GPM6A: variants seen among roughly 807,000 people sequenced by gnomAD.
GPM6A encodes glycoprotein M6A.
A neutral mutation model predicts 32.1 loss-of-function variants in GPM6A; 7 were observed. The ratio of observed to expected loss-of-function variants is 0.22; its 90% CI spans 0.12 to 0.41. The LOEUF (loss-of-function observed/expected upper bound fraction) is 0.41. GPM6A is among the 10% of genes least tolerant of loss of function. The pLI, the probability that GPM6A is intolerant of heterozygous loss-of-function variation, is 1.00. For synonymous variants in GPM6A, 130 were observed against 123.4 expected (o/e 1.05, Z -0.35); for missense variants, 235 against 347.2 (o/e 0.68, Z 2.57).
Position 175,898,584 on chromosome 4 carries a change from T to C in GPM6A, c.-22-86335A>G, listed in dbSNP as rs566321122. Among the ~76,000 whole-genome samples the C allele has an allele frequency of 2.0e-5, 3 of 152,282 alleles. No individual in the cohort carries two copies. The East Asian group carries it at 5.8e-4, about 29-fold the overall frequency. Reference sequence around the variant, plus strand: ...CCATTGTAATGCTTGCACTGTGATGTGACTGTCTGTTTCCATTTCTACCTC... The same window carrying C: ...CCATTGTAATGCTTGCACTGTGATGCGACTGTCTGTTTCCATTTCTACCTC... On this transcript the variant is annotated intron_variant, in intron 1 of 7. Transcript: ENST00000280187.
intron 3 of GPM6A, among the ~76,000 whole-genome samples, chr4:175,653,868 T>C (rs1741934045): frequency 6.6e-6 from 1 of 152,112 alleles, no homozygotes; most frequent in South Asian, 2.1e-4. Context: ...AGTGAAAGGA[T>C]AATATTAATA....
chr4:175,698,256 G>A (rs1744684881), intron 2 of GPM6A, among the ~76,000 whole-genome samples: 2 of 152,176 alleles, frequency 1.3e-5, no homozygotes, highest in Non-Finnish European at 2.9e-5. Context: ...AGTATATAAT[G>A]TAGGAGTGAT....
At chr4:175,750,069 T>C (rs534676940) in intron 1 of GPM6A, among the ~76,000 whole-genome samples, 1 of 152,102 alleles carries the variant, frequency 6.6e-6, no homozygotes, top group Admixed American at 6.5e-5. Flanking sequence ...CCTATTGCTT[T>C]TTTTTTTGAG....
chr4:175,667,638 G>A (rs1166566237), intron 3 of GPM6A, among the ~76,000 whole-genome samples: 1 of 151,994 alleles, frequency 6.6e-6, no homozygotes, highest in African/African-American at 2.4e-5. Flanking sequence ...CAGTCACAGG[G>A]CAGACTAGGT....
intron 4 of GPM6A, among the ~76,000 whole-genome samples, chr4:175,643,153 C>T (rs1560846819): frequency 6.6e-6 from 1 of 152,156 alleles, no homozygotes; most frequent in Non-Finnish European, 1.5e-5. Context: ...CAAAATCTCC[C>T]ACTTGGATTA....
At chr4:175,845,965 G>A (rs1736074190) in intron 1 of GPM6A, among the ~76,000 whole-genome samples, 1 of 151,958 alleles carries the variant, frequency 6.6e-6, no homozygotes, top group East Asian at 1.9e-4. Context: ...AAAAAATGCT[G>A]TCCCCAAAGT....
intron 1 of GPM6A, among the ~76,000 whole-genome samples, chr4:175,854,280 A>G (rs1263326844): frequency 6.6e-6 from 1 of 152,216 alleles, no homozygotes; most frequent in Admixed American, 6.5e-5. Flanking sequence ...TGTTTCATCC[A>G]GAAATTACAT....
intron 1 of GPM6A, among the ~76,000 whole-genome samples, chr4:175,888,509 G>A (rs1475802349): frequency 2.6e-5 from 4 of 151,946 alleles, no homozygotes; most frequent in Non-Finnish European, 4.4e-5. Context: ...TAGCAAATCC[G>A]AAAGAACACA....
chr4:175,846,833 T>A (rs1736101920), intron 1 of GPM6A, among the ~76,000 whole-genome samples: 1 of 152,112 alleles, frequency 6.6e-6, no homozygotes, highest in Non-Finnish European at 1.5e-5. Context: ...CTCCTGCTTA[T>A]TCAGTCTTCG....
At chr4:175,967,913 T>C (rs977202297) in intron 1 of GPM6A, among the ~76,000 whole-genome samples, 6 of 152,182 alleles carry the variant, frequency 3.9e-5, no homozygotes, top group African/African-American at 9.7e-5. Flanking sequence ...ATCAATAAAT[T>C]GATTCTAAAT....
At chr4:175,912,545 C>T (rs1178885370) in intron 1 of GPM6A, among the ~76,000 whole-genome samples, 1 of 152,122 alleles carries the variant, frequency 6.6e-6, no homozygotes, top group African/African-American at 2.4e-5. Context: ...GTCCCAGCTA[C>T]TTGGGAGTCT....
At chr4:175,905,525 T>C (rs1249262084) in intron 1 of GPM6A, among the ~76,000 whole-genome samples, 1 of 152,052 alleles carries the variant, frequency 6.6e-6, no homozygotes, top group African/African-American at 2.4e-5. Context: ...TTACAAACCA[T>C]TCTCCCTTTC....
intron 1 of GPM6A, among the ~76,000 whole-genome samples, chr4:175,890,170 A>G (rs1427388888): frequency 6.6e-6 from 1 of 152,232 alleles, no homozygotes; most frequent in Non-Finnish European, 1.5e-5. Flanking sequence ...TGAAAGATAC[A>G]GGAAAACAAA....
chr4:175,957,802 G>A (rs1182498050), intron 1 of GPM6A, among the ~76,000 whole-genome samples: 4 of 152,144 alleles, frequency 2.6e-5, no homozygotes, highest in Non-Finnish European at 5.9e-5. Flanking sequence ...TTTTGTTTGT[G>A]CCTACCTTTG....
At chr4:175,904,656 T>G (rs1002087228) in intron 1 of GPM6A, among the ~76,000 whole-genome samples, 1 of 152,156 alleles carries the variant, frequency 6.6e-6, no homozygotes, top group Non-Finnish European at 1.5e-5. Flanking sequence ...CGTGAAGGTA[T>G]AGTATCTTGA....
chr4:175,712,371 G>A (rs978945538), intron 1 of GPM6A, among the ~76,000 whole-genome samples: 12 of 152,258 alleles, frequency 7.9e-5, no homozygotes, highest in African/African-American at 2.6e-4. Flanking sequence ...GGCTCGTGGT[G>A]CCCCCAGAGT....
intron 1 of GPM6A, among the ~76,000 whole-genome samples, chr4:175,714,143 C>T (rs1745704619): frequency 6.6e-6 from 1 of 152,044 alleles, no homozygotes; most frequent in Non-Finnish European, 1.5e-5. Context: ...TTCTTCAGTT[C>T]ATTCTGATAC....
intron 1 of GPM6A, among the ~76,000 whole-genome samples, chr4:175,852,230 G>T (rs1736281799): frequency 6.6e-6 from 1 of 151,972 alleles, no homozygotes; most frequent in Admixed American, 6.6e-5. Context: ...TAAATAAGTG[G>T]AAATGTGTGA....
At chr4:175,682,543 GC>G (rs1291752700) in intron 2 of GPM6A, among the ~76,000 whole-genome samples, 1 of 152,176 alleles carries the variant, frequency 6.6e-6, no homozygotes, top group Non-Finnish European at 1.5e-5. Flanking sequence ...CTTTGTGGTA[GC>G]CTCTCCCATC....
Sources: gnomAD v4.1 joint callset for allele counts (sites outside exome capture counted in the v4.1 genomes callset) on GRCh38, gnomAD v4.1.1 for gene constraint, MANE v1.5 for transcripts, NCBI Gene and HGNC (gene_info 2026-07-23, HGNC 2026-07-21) for gene names.